The following C9orf85 variants were observed in gnomAD, a reference collection of about 807,000 sequenced individuals.
The protein encoded by C9orf85 is chromosome 9 open reading frame 85, also known as uncharacterized protein C9orf85.
In C9orf85, 16 loss-of-function variants were observed where a neutral mutation model predicts 14.9. That is an observed-to-expected ratio of 1.08 (90% CI 0.73 to 1.63). The LOEUF is 1.63. Among genes scored for constraint, C9orf85 ranks in the 40% most tolerant of loss-of-function variants. C9orf85 has a pLI of 0.00. For missense variants in C9orf85, 172 were observed against 186.1 expected (o/e 0.92, Z 0.44); for synonymous variants, 45 against 56.8 (o/e 0.79, Z 0.93).
chr9:71,940,566 A>T (rs1316944040), intron 1 of C9orf85, among the ~76,000 whole-genome samples: 1 of 152,244 alleles, frequency 6.6e-6, no homozygotes, highest in East Asian at 1.9e-4. Context: ...TTGAATGGCT[A>T]AAGTAAGAAA....
At chr9:71,946,034 AT>A (rs947369028) in intron 1 of C9orf85, among the ~76,000 whole-genome samples, 4 of 152,220 alleles carry the variant, frequency 2.6e-5, no homozygotes, top group Admixed American at 6.5e-5. Flanking sequence ...TTCCCAACAC[AT>A]TTTGAAAAGA....
downstream of C9orf85, among the ~76,000 whole-genome samples, chr9:71,974,855 C>T (rs573626408): frequency 5.9e-5 from 9 of 152,266 alleles, no homozygotes; most frequent in South Asian, 1.9e-3. Flanking sequence ...GCAATAGTAT[C>T]TCTTTGTCTT....
chr9:71,965,800 G>A (rs546100435), intron 2 of C9orf85, among the ~76,000 whole-genome samples: 3 of 152,132 alleles, frequency 2.0e-5, no homozygotes, highest in South Asian at 4.1e-4. Context: ...GGTGACCTGT[G>A]TTTTTATTTG....
At chr9:71,959,571 C>G (rs575161522) in intron 2 of C9orf85, among the ~76,000 whole-genome samples, 1 of 152,292 alleles carries the variant, frequency 6.6e-6, no homozygotes, top group East Asian at 1.9e-4. Context: ...ACAGTATACT[C>G]AAAACTAGCA....
chr9:71,962,849 A>C (rs1022492897), intron 2 of C9orf85, among the ~76,000 whole-genome samples: 1 of 152,174 alleles, frequency 6.6e-6, no homozygotes, highest in Non-Finnish European at 1.5e-5. Context: ...TGAGGTCAGG[A>C]GTTCGAGACC....
chr9:71,912,816 G>A (rs535763385), intron 1 of C9orf85, among the ~76,000 whole-genome samples: 1 of 152,042 alleles, frequency 6.6e-6, no homozygotes, highest in African/African-American at 2.4e-5. Context: ...CCCTGGAGGC[G>A]GTGGTTGCAG....
chr9:71,978,738 A>G (rs1306734085), intron 3 of C9orf85, among the ~76,000 whole-genome samples: 1 of 152,194 alleles, frequency 6.6e-6, no homozygotes, highest in African/African-American at 2.4e-5. Flanking sequence ...TTCAGCACTT[A>G]AAATTTGTTT....
chr9:71,960,567 C>CT (rs2132335217), intron 2 of C9orf85, among the ~76,000 whole-genome samples: 1 of 152,160 alleles, frequency 6.6e-6, no homozygotes, highest in African/African-American at 2.4e-5. Flanking sequence ...TTTTACAGGT[C>CT]TTTTTTGTCT....
chr9:71,946,854 A>C (rs1434702639), intron 1 of C9orf85, 152 bp from the exon 2 acceptor site: 1 of 494,294 alleles, frequency 2.0e-6, no homozygotes, highest in African/African-American at 2.0e-5. Flanking sequence ...AAATTGAGTA[A>C]TATACATAAA....
intron 2 of C9orf85, among the ~76,000 whole-genome samples, chr9:71,965,323 G>C (rs1202460425): frequency 6.6e-6 from 1 of 152,076 alleles, no homozygotes; most frequent in Non-Finnish European, 1.5e-5. Context: ...TGATTCGTCG[G>C]GTGTGAGTTT....
At chr9:71,955,257 A>G (rs1165869653) in intron 2 of C9orf85, among the ~76,000 whole-genome samples, 1 of 152,202 alleles carries the variant, frequency 6.6e-6, no homozygotes, top group African/African-American at 2.4e-5. Flanking sequence ...CAAGGAAACC[A>G]GAGTCTCCTT....
chr9:71,976,814 C>G (rs1823010215), downstream of C9orf85, among the ~76,000 whole-genome samples: 1 of 151,928 alleles, frequency 6.6e-6, no homozygotes, highest in Non-Finnish European at 1.5e-5. Flanking sequence ...ATTCCCATGC[C>G]TATTTACTTC....
At chr9:71,972,256 G>A (rs1485722211) in intron 3 of C9orf85, among the ~76,000 whole-genome samples, 2 of 151,674 alleles carry the variant, frequency 1.3e-5, no homozygotes, top group Admixed American at 6.6e-5. Context: ...TCAAGTTAGC[G>A]TTCAATGATT....
intron 2 of C9orf85, among the ~76,000 whole-genome samples, chr9:71,950,562 G>A (rs1822219119): frequency 6.6e-6 from 1 of 152,120 alleles, no homozygotes; most frequent in Admixed American, 6.5e-5. Flanking sequence ...AGTAGAGACA[G>A]AGTTTCACCA....
At chr9:71,976,006 G>C (rs1589277027), downstream of C9orf85, among the ~76,000 whole-genome samples, 1 of 152,026 alleles carries the variant, frequency 6.6e-6, no homozygotes, top group Non-Finnish European at 1.5e-5. Flanking sequence ...ACTTTACCAG[G>C]AAAAAAATTT....
At chr9:71,938,680 CT>C (rs1272476746) in intron 1 of C9orf85, among the ~76,000 whole-genome samples, 2 of 151,796 alleles carry the variant, frequency 1.3e-5, no homozygotes, top group Non-Finnish European at 2.9e-5. Context: ...GATTTTGCAT[CT>C]AATAAAATTG....
intron 1 of C9orf85, among the ~76,000 whole-genome samples, chr9:71,921,958 T>TTATTA (rs1564082784): frequency 5.9e-4 from 55 of 93,596 alleles, no homozygotes; most frequent in African/African-American, 2.4e-3. Context: ...TATTATTATT[T>TTATTA]TGAAACAGAG....
At chr9:71,916,465 A>G (rs368549260) in intron 1 of C9orf85, among the ~76,000 whole-genome samples, 1 of 152,076 alleles carries the variant, frequency 6.6e-6, no homozygotes, top group African/African-American at 2.4e-5. Flanking sequence ...GAATAAATCA[A>G]TGTTTTGCAG....
intron 1 of C9orf85, 64 bp from the exon 2 acceptor site, chr9:71,946,942 T>A: frequency 1.8e-6 from 2 of 1,097,870 alleles, no homozygotes; most frequent in Non-Finnish European, 1.4e-6. Flanking sequence ...TACACTCTTT[T>A]ATGGGATTTG....
Sources: gnomAD v4.1 joint callset for allele counts (sites outside exome capture counted in the v4.1 genomes callset) on GRCh38, gnomAD v4.1.1 for gene constraint, MANE v1.5 for transcripts, NCBI Gene and HGNC (gene_info 2026-07-23, HGNC 2026-07-21) for gene names.